The following AXIN1 variants were observed in gnomAD, a reference collection of about 807,000 sequenced individuals.
AXIN1 encodes the protein axin-1.
A neutral mutation model predicts 76.4 loss-of-function variants in AXIN1; 30 were observed. The observed-to-expected ratio is 0.39, with a 90% CI of 0.29 to 0.53. AXIN1 has a LOEUF of 0.53. AXIN1 is among the 20% of genes least tolerant of loss of function. The pLI, the probability that AXIN1 is intolerant of heterozygous loss-of-function variation, is 0.66. For synonymous variants in AXIN1, 545 were observed against 501.4 expected, an observed-to-expected ratio of 1.09 and a Z score of -1.16; for missense variants, 1,140 against 1,198.8, an observed-to-expected ratio of 0.95 and a Z score of 0.72.
intron 2 of AXIN1, among the ~76,000 whole-genome samples, chr16:325,706 G>T (rs1179176129): frequency 6.6e-6 from 1 of 152,218 alleles, no homozygotes; most frequent in Non-Finnish European, 1.5e-5. Flanking sequence ...GTGGCTGCAG[G>T]CTCCAGCCCT....
intron 2 of AXIN1, among the ~76,000 whole-genome samples, chr16:339,262 G>C (rs1227592055): frequency 8.0e-5 from 12 of 150,104 alleles, no homozygotes; most frequent in Non-Finnish European, 1.5e-4. Flanking sequence ...CCAGCACTTT[G>C]GGAGGCTGAG....
chr16:347,011 C>T lies in AXIN1; in HGVS notation c.15G>A (p.Glu5=), dbSNP rs2054048018. 1.2e-6 allele frequency: 2 copies of T among 1,614,198 alleles called. No individual in the cohort carries two copies. The highest frequency in any genetic ancestry group is 1.7e-6 in the Non-Finnish European group (2 of 1,180,048). Residue 5 remains glutamate (E), a synonymous_variant, in exon 2 of 11, where the codon GAG becomes GAA. Coordinates refer to ENST00000262320, the MANE Select transcript of AXIN1 (RefSeq NM_003502.4). The part of the protein sequence containing the change: MNIQ[E]QGFPLDLGAS... ...CTCCGAGGTCCAAGGGGAAACCCTG[C>T]TCTTGGATATTCATTTTGGGACTCT... is the stretch of plus-strand genomic sequence containing the variant.
intron 2 of AXIN1, among the ~76,000 whole-genome samples, chr16:320,800 C>T (rs1021823054): frequency 1.4e-3 from 95 of 65,800 alleles, no homozygotes; most frequent in South Asian, 0.012. Context: ...AGTGCAGTGG[C>T]GCGATCTCGG....
chr16:301,440 G>C (rs1286233309), intron 5 of AXIN1, among the ~76,000 whole-genome samples: 1 of 152,062 alleles, frequency 6.6e-6, no homozygotes, highest in Non-Finnish European at 1.5e-5. Context: ...GGGAAGCCTT[G>C]AGAGTCACAG....
intron 2 of AXIN1, among the ~76,000 whole-genome samples, chr16:330,209 T>C (rs2053666714): frequency 6.6e-6 from 1 of 151,998 alleles, no homozygotes; most frequent in Non-Finnish European, 1.5e-5. Flanking sequence ...CACAGGTGCA[T>C]GCCACCACAC....
chr16:306,118 C>T (rs1284923913), intron 4 of AXIN1, among the ~76,000 whole-genome samples: 16 of 152,142 alleles, frequency 1.1e-4, no homozygotes, highest in South Asian at 2.1e-4. Flanking sequence ...CAGGCACATG[C>T]GTACACACAC....
At chr16:297,480 C>G (rs1014279800) in intron 6 of AXIN1, among the ~76,000 whole-genome samples, 2 of 152,172 alleles carry the variant, frequency 1.3e-5, no homozygotes, top group Admixed American at 6.5e-5. Flanking sequence ...CTGCTCACCC[C>G]CTGAAGACTG....
intron 1 of AXIN1, 26 bp from the exon 2 acceptor site, chr16:347,132 G>T (rs2141711912): frequency 6.3e-7 from 1 of 1,590,992 alleles, no homozygotes; most frequent in Non-Finnish European, 8.5e-7. Context: ...AGAGGACAAG[G>T]ATTAGGAAAG....
intron 2 of AXIN1, among the ~76,000 whole-genome samples, chr16:344,795 C>G (rs771279655): frequency 6.6e-6 from 1 of 152,158 alleles, no homozygotes; most frequent in Non-Finnish European, 1.5e-5. Flanking sequence ...AGTCGACAGT[C>G]CATCTTAAAT....
At chr16:305,844 C>T (rs1018766071) in intron 4 of AXIN1, among the ~76,000 whole-genome samples, 2 of 152,098 alleles carry the variant, frequency 1.3e-5, no homozygotes, top group African/African-American at 2.4e-5. Flanking sequence ...GCACCCGGCC[C>T]CCCTATAGCT....
Position 320,746 on chromosome 16 carries a change from T to A in AXIN1, c.879-6063A>T, listed in dbSNP as rs898481112. 1.3e-3 allele frequency among the ~76,000 whole-genome samples: 181 copies of A among 140,060 alleles called. 2 individuals carry two copies. Among genetic ancestry groups the A allele is most frequent in the Non-Finnish European group, 2.1e-3 (136 of 64,606 alleles). 91.9% of individuals were successfully genotyped at this position (140,060 alleles called of 152,430 possible). On this transcript the variant is annotated intron_variant, in intron 2 of 10. Coordinates refer to ENST00000262320, the MANE Select transcript of AXIN1 (RefSeq NM_003502.4). ...GTGTATATATATATATATATATATT[T>A]TTTTTTTTTTTGAGACGGAGCCTCG...
intron 7 of AXIN1, among the ~76,000 whole-genome samples, chr16:295,228 C>T (rs1292302129): frequency 6.6e-6 from 1 of 151,348 alleles, no homozygotes. Context: ...GCCTCAGCCA[C>T]CGAGTAGCTG....
At chr16:350,065 C>G (rs915269569) in intron 1 of AXIN1, among the ~76,000 whole-genome samples, 17 of 152,226 alleles carry the variant, frequency 1.1e-4, no homozygotes, top group Non-Finnish European at 2.4e-4. Flanking sequence ...GTTGGGATTA[C>G]AGGCCACTTT....
At chr16:297,628 C>T in intron 6 of AXIN1, 94 bp downstream of exon 6, 1 of 1,444,948 alleles carries the variant, frequency 6.9e-7, no homozygotes, top group Non-Finnish European at 9.1e-7. Context: ...TGCTGGCGGT[C>T]CTGGGTTTCC....
chr16:301,961 G>A (rs1297711697), intron 5 of AXIN1, among the ~76,000 whole-genome samples: 1 of 152,238 alleles, frequency 6.6e-6, no homozygotes, highest in Non-Finnish European at 1.5e-5. Flanking sequence ...GCCCGGATGT[G>A]GCCTGCGGAC....
chr16:291,112 C>A, intron 9 of AXIN1, 78 bp downstream of exon 9: 1 of 1,377,606 alleles, frequency 7.3e-7, no homozygotes, highest in Non-Finnish European at 1.0e-6. Flanking sequence ...CCCGGGACGG[C>A]GGCTCTACGA....
chr16:297,820 G>A lies in AXIN1; in HGVS notation c.1686C>T (p.Phe562=), dbSNP rs756838836. The A allele has an allele frequency of 1.4e-5, 22 of 1,568,294 alleles. No individual in the cohort carries two copies. The highest frequency in any genetic ancestry group is 1.4e-4 in the African/African-American group (10 of 74,072). ...GGCTGTGTGGTTCCAGGCCCCAGGC[G>A]AAGCTGCTCTGGGCCCTGCGGGTGG... ...AEATRRAQSS[F]AWGLEPHSHG... Residue 562 remains phenylalanine, a synonymous_variant, in exon 6 of 11, where the codon TTC becomes TTT. Transcript: ENST00000262320.
At chr16:341,526 C>G (rs948954251) in intron 2 of AXIN1, among the ~76,000 whole-genome samples, 9 of 152,256 alleles carry the variant, frequency 5.9e-5, no homozygotes, top group Non-Finnish European at 7.3e-5. Flanking sequence ...AGCTGCAGCC[C>G]GCCATGCCTA....
At chr16:326,249 G>A (rs2053576244) in intron 2 of AXIN1, among the ~76,000 whole-genome samples, 1 of 150,540 alleles carries the variant, frequency 6.6e-6, no homozygotes, top group African/African-American at 2.5e-5. Flanking sequence ...AGCTACTCGG[G>A]AGGCTGAGTC....
Sources: gnomAD v4.1 joint callset for allele counts (sites outside exome capture counted in the v4.1 genomes callset) on GRCh38, gnomAD v4.1.1 for gene constraint, MANE v1.5 for transcripts, NCBI Gene and HGNC (gene_info 2026-07-23, HGNC 2026-07-21) for gene names.